The following TAF3 variants were observed in gnomAD, a reference collection of about 807,000 sequenced individuals.
TAF3 encodes the protein transcription initiation factor TFIID subunit 3.
In TAF3, 7 loss-of-function variants were observed where a neutral mutation model predicts 80.6. The observed-to-expected ratio is 0.09, with a 90% CI of 0.05 to 0.16. The LOEUF (loss-of-function observed/expected upper bound fraction) is 0.16. Among genes scored for constraint, TAF3 ranks in the 10% least tolerant of loss-of-function variants. TAF3 has a pLI of 1.00. For missense variants in TAF3, 921 were observed against 1,140.2 expected, an observed-to-expected ratio of 0.81 and a Z score of 2.77; for synonymous variants, 444 against 446.1, an observed-to-expected ratio of 1.00 and a Z score of 0.06.
intron 4 of TAF3, among the ~76,000 whole-genome samples, chr10:8,007,609 T>TATATATAC (rs1491085112): frequency 1.3e-5 from 1 of 78,192 alleles, no homozygotes; most frequent in Non-Finnish European, 2.6e-5. Flanking sequence ...TATATATATA[T>TATATATAC]ACCTTTTTTT....
intron 2 of TAF3, among the ~76,000 whole-genome samples, chr10:7,854,269 C>T (rs1349658596): frequency 6.6e-6 from 1 of 152,180 alleles, no homozygotes; most frequent in Non-Finnish European, 1.5e-5. Flanking sequence ...TATTTGCAAA[C>T]ATGCATAGAG....
intron 2 of TAF3, among the ~76,000 whole-genome samples, chr10:7,935,499 G>GCC (rs1257620968): frequency 6.6e-6 from 1 of 151,916 alleles, no homozygotes; most frequent in Non-Finnish European, 1.5e-5. Context: ...CAGGAGAATG[G>GCC]CGTGAACCCG....
At chr10:7,839,131 C>T (rs1237122506) in intron 2 of TAF3, among the ~76,000 whole-genome samples, 1 of 151,992 alleles carries the variant, frequency 6.6e-6, no homozygotes, top group African/African-American at 2.4e-5. Context: ...CTTTACCTTC[C>T]AGAATCATTA....
chr10:7,923,525 A>T (rs757188885), intron 2 of TAF3, among the ~76,000 whole-genome samples: 7 of 151,880 alleles, frequency 4.6e-5, no homozygotes, highest in African/African-American at 1.7e-4. Context: ...GAAAGAGCTT[A>T]ATCACTTTTT....
At chr10:7,887,627 G>A (rs1837420749) in intron 2 of TAF3, among the ~76,000 whole-genome samples, 1 of 152,098 alleles carries the variant, frequency 6.6e-6, no homozygotes, top group African/African-American at 2.4e-5. Flanking sequence ...TTGACTGCCT[G>A]GGACTAAAAC....
rs546105786 is a variant in TAF3, at chr10:7,990,383, T to G, written c.2315+13060T>G. ...ATGGCTGGCTACCTTTTTATTGTTTTTGTCATTTTGTTTATTTAGCTTATA... is the reference window on the plus strand; with the variant it reads ...ATGGCTGGCTACCTTTTTATTGTTTGTGTCATTTTGTTTATTTAGCTTATA... On this transcript the variant is annotated intron_variant, in intron 4 of 6. Coordinates refer to ENST00000344293, the MANE Select transcript of TAF3 (RefSeq NM_031923.4). Among the ~76,000 whole-genome samples, 9 of 152,316 alleles carry G rather than the reference T, an allele frequency of 5.9e-5. No homozygotes were observed. The South Asian group carries it at 1.9e-3, about 32-fold the overall frequency.
chr10:7,980,241 C>T (rs984176471), intron 4 of TAF3, among the ~76,000 whole-genome samples: 12 of 151,968 alleles, frequency 7.9e-5, no homozygotes, highest in African/African-American at 2.7e-4. Flanking sequence ...TTAGGAAAAA[C>T]GAAAAAGCTT....
chr10:7,959,158 ACAC>A (rs879602270), intron 2 of TAF3, among the ~76,000 whole-genome samples: 1,604 of 141,004 alleles, frequency 0.011, 19 homozygotes, highest in South Asian at 0.035. Context: ...ACACACACAC[ACAC>A]ACAAAAAAAG....
intron 3 of TAF3, among the ~76,000 whole-genome samples, chr10:7,973,183 TCAC>T (rs1564374884): frequency 6.6e-6 from 1 of 152,186 alleles, no homozygotes; most frequent in Non-Finnish European, 1.5e-5. Flanking sequence ...AGGACACAGT[TCAC>T]CAAGTGCTAT....
chr10:7,950,666 T>C (rs1364384566), intron 2 of TAF3, among the ~76,000 whole-genome samples: 2 of 152,238 alleles, frequency 1.3e-5, no homozygotes, highest in Non-Finnish European at 2.9e-5. Context: ...ATTCTGTTTC[T>C]CACAATCATT....
chr10:7,818,768 C>G lies in TAF3; in HGVS notation c.59C>G (p.Ala20Gly). 5 of 1,560,242 alleles carry G rather than the reference C, an allele frequency of 3.2e-6. No individual in the cohort carries two copies. The highest frequency in any genetic ancestry group is 3.5e-6 in the Non-Finnish European group (4 of 1,158,976). Residue 20 changes from alanine to glycine, a missense_variant, in exon 1 of 7, where the codon GCG (alanine) becomes GGG (glycine). Around this residue, in one of 6 missense-constraint regions of TAF3, gnomAD observed 106 missense variants for 191.8 expected, o/e 0.55. Coordinates refer to ENST00000344293, the MANE Select transcript of TAF3 (RefSeq NM_031923.4). ...GTCTCGGTGGCGCAGATCTGCCAGG[C>G]GCTGGGCTGGGACTCGGTGCAGCTC... is the stretch of plus-strand genomic sequence containing the variant. Reference protein sequence around the residue: ...LRVSVAQICQALGWDSVQLSA... With the variant: ...LRVSVAQICQGLGWDSVQLSA...
chr10:7,891,687 A>T (rs1313388154), intron 2 of TAF3, among the ~76,000 whole-genome samples: 3 of 152,224 alleles, frequency 2.0e-5, no homozygotes, highest in Non-Finnish European at 2.9e-5. Flanking sequence ...GCATCTGTTT[A>T]TCACTGCCTG....
chr10:7,968,055 A>G (rs1831589534), intron 3 of TAF3, among the ~76,000 whole-genome samples: 1 of 152,194 alleles, frequency 6.6e-6, no homozygotes, highest in African/African-American at 2.4e-5. Context: ...TGAGTAAACA[A>G]AAATACACCT....
intron 2 of TAF3, among the ~76,000 whole-genome samples, chr10:7,894,258 G>A (rs954435276): frequency 3.9e-5 from 6 of 152,142 alleles, no homozygotes; most frequent in Admixed American, 6.5e-5. Flanking sequence ...CCATGACGGA[G>A]TTACTGTCAG....
intron 4 of TAF3, among the ~76,000 whole-genome samples, chr10:7,981,814 C>T (rs1205595980): frequency 6.6e-6 from 1 of 152,042 alleles, no homozygotes; most frequent in Non-Finnish European, 1.5e-5. Context: ...TAACTTAAGC[C>T]TTGTGGGGGC....
intron 2 of TAF3, among the ~76,000 whole-genome samples, chr10:7,869,319 C>CACAT (rs1359672206): frequency 2.6e-5 from 4 of 151,922 alleles, no homozygotes; most frequent in African/African-American, 9.7e-5. Flanking sequence ...GACGCACACA[C>CACAT]ACATACACAC....
chr10:7,930,167 C>T (rs1296544358), intron 2 of TAF3, among the ~76,000 whole-genome samples: 1 of 152,102 alleles, frequency 6.6e-6, no homozygotes, highest in Non-Finnish European at 1.5e-5. Flanking sequence ...GTACTGCGCT[C>T]CAACCTGGCA....
Position 7,964,346 on chromosome 10 carries a change from C to G in TAF3, c.836C>G (p.Pro279Arg). The change falls in exon 3 of 7, where the codon CCA (proline) becomes CGA (arginine). Residue 279 changes from proline to arginine, a missense_variant. This residue lies in a region of TAF3 where 743 missense variants were observed against 821.0 expected (regional missense o/e 0.90). Coordinates refer to ENST00000344293, the MANE Select transcript of TAF3 (RefSeq NM_031923.4). The surrounding 1 kb of genome is among the most constrained non-coding windows in gnomAD (Gnocchi z 4.1). ...TPKTKTKTSS[P>R]GQKTKSPKTA... ...AAAACAAAGACTAAAACTAGCTCTC[C>G]AGGACAGAAGACTAAATCACCTAAA... 6.2e-7 allele frequency: 1 copy of G among 1,614,142 alleles called. No individual in the cohort carries two copies. The highest frequency in any genetic ancestry group is 8.5e-7 in the Non-Finnish European group (1 of 1,180,036).
chr10:7,842,029 T>C (rs1836919472), intron 2 of TAF3, among the ~76,000 whole-genome samples: 1 of 152,168 alleles, frequency 6.6e-6, no homozygotes, highest in African/African-American at 2.4e-5. Context: ...ACTGCCTATG[T>C]TGGCCAGGCA....
Sources: gnomAD v4.1 joint callset for allele counts (sites outside exome capture counted in the v4.1 genomes callset) on GRCh38, gnomAD v4.1.1 for gene constraint, gnomAD v4.1.1 regional missense constraint, Gnocchi (gnomAD v3.1) non-coding constraint, MANE v1.5 for transcripts, NCBI Gene and HGNC (gene_info 2026-07-23, HGNC 2026-07-21) for gene names.